CDKAL1: variants seen among roughly 807,000 people sequenced by gnomAD.
CDKAL1 encodes the protein CDKAL1 threonylcarbamoyladenosine tRNA methylthiotransferase.
Under a neutral mutation model 68.2 loss-of-function variants are expected in CDKAL1, and 32 were observed. That is an observed-to-expected ratio of 0.47 (90% confidence interval 0.35 to 0.63). CDKAL1 has a LOEUF of 0.63. Among genes scored for constraint, CDKAL1 ranks in the 30% least tolerant of loss-of-function variants. The pLI is 0.00. For synonymous variants in CDKAL1, 234 were observed against 244.3 expected, an observed-to-expected ratio of 0.96 and a Z score of 0.39; for missense variants, 606 against 696.7, an observed-to-expected ratio of 0.87 and a Z score of 1.47.
intron 5 of CDKAL1, among the ~76,000 whole-genome samples, chr6:20,723,275 C>T (rs764219854): frequency 1.1e-4 from 17 of 152,220 alleles, no homozygotes; most frequent in African/African-American, 1.7e-4. Context: ...TGCTAACACA[C>T]GCTGTCTGCG....
At chr6:20,821,172 T>C (rs1371340329) in intron 8 of CDKAL1, among the ~76,000 whole-genome samples, 2 of 152,130 alleles carry the variant, frequency 1.3e-5, no homozygotes, top group African/African-American at 4.8e-5. Context: ...CTTTGCATTT[T>C]ATTCATCATG....
intron 5 of CDKAL1, among the ~76,000 whole-genome samples, chr6:20,664,939 C>T (rs1426585900): frequency 2.6e-5 from 4 of 152,054 alleles, no homozygotes; most frequent in Non-Finnish European, 4.4e-5. Context: ...TATGTATTTT[C>T]GATCCCCTCA....
intron 15 of CDKAL1, among the ~76,000 whole-genome samples, chr6:21,218,167 T>C (rs1274027502): frequency 3.9e-5 from 6 of 152,246 alleles, no homozygotes; most frequent in Non-Finnish European, 7.3e-5. Flanking sequence ...CTGAAATTGA[T>C]TTGTAAACAT....
chr6:21,167,713 G>A (rs1267961771), intron 13 of CDKAL1, among the ~76,000 whole-genome samples: 1 of 152,120 alleles, frequency 6.6e-6, no homozygotes, highest in African/African-American at 2.4e-5. Context: ...TTAATGGATG[G>A]CCATGTGACA....
At chr6:20,558,490 CAGTA>C in intron 4 of CDKAL1, 2 of 456,308 alleles carry the variant, frequency 4.4e-6, no homozygotes, top group Admixed American at 4.7e-5. Context: ...GGGGTTGAAA[CAGTA>C]AGTGCATGAA....
intron 9 of CDKAL1, among the ~76,000 whole-genome samples, chr6:20,850,276 G>A (rs1480030480): frequency 6.6e-6 from 1 of 151,788 alleles, no homozygotes; most frequent in African/African-American, 2.4e-5. Context: ...TCCTTAAAGC[G>A]GCATTTTCTT....
chr6:20,978,298 C>T (rs1446102383), intron 10 of CDKAL1, among the ~76,000 whole-genome samples: 1 of 152,204 alleles, frequency 6.6e-6, no homozygotes, highest in Non-Finnish European at 1.5e-5. Context: ...CAGAGCTTCA[C>T]ATGTGGCGGG....
At chr6:20,981,497 G>A (rs1424239583) in intron 10 of CDKAL1, among the ~76,000 whole-genome samples, 1 of 152,170 alleles carries the variant, frequency 6.6e-6, no homozygotes, top group Non-Finnish European at 1.5e-5. Context: ...TCTGTGGAGA[G>A]ATGATCCTAT....
At chr6:20,955,272 G>A in intron 9 of CDKAL1, 147 bp from the exon 10 acceptor site, 1 of 726,094 alleles carries the variant, frequency 1.4e-6, no homozygotes, top group African/African-American at 1.8e-5. Context: ...CTGGCACCAT[G>A]GGATAAGCTG....
intron 4 of CDKAL1, among the ~76,000 whole-genome samples, chr6:20,580,951 G>A (rs539705866): frequency 3.3e-5 from 5 of 152,120 alleles, no homozygotes; most frequent in African/African-American, 7.2e-5. Context: ...CACCACGCCC[G>A]GCTAATTTTG....
intron 14 of CDKAL1, chr6:21,200,834 A>C: frequency 2.1e-5 from 5 of 239,130 alleles, no homozygotes; most frequent in East Asian, 9.0e-5. Flanking sequence ...TCCACTTTGT[A>C]GGGGATCCCA....
intron 12 of CDKAL1, 59 bp from the exon 13 acceptor site, chr6:21,108,342 C>A: frequency 1.9e-6 from 2 of 1,058,614 alleles, no homozygotes; most frequent in Non-Finnish European, 2.8e-6. Flanking sequence ...TATTTTTTAT[C>A]TGCTGTCAAC....
intron 4 of CDKAL1, among the ~76,000 whole-genome samples, chr6:20,616,721 T>C (rs1316795917): frequency 1.3e-5 from 2 of 152,012 alleles, no homozygotes; most frequent in African/African-American, 2.4e-5. Context: ...TGACTTTTTA[T>C]GGCCAGGAGC....
intron 10 of CDKAL1, among the ~76,000 whole-genome samples, chr6:20,965,326 G>T (rs1765251764): frequency 1.3e-5 from 2 of 148,700 alleles, no homozygotes; most frequent in South Asian, 4.4e-4. Flanking sequence ...GAAGAGGAGG[G>T]GAGGGGAGGG....
At chr6:20,605,044 GC>G (rs1312053552) in intron 4 of CDKAL1, among the ~76,000 whole-genome samples, 1 of 151,022 alleles carries the variant, frequency 6.6e-6, no homozygotes, top group Non-Finnish European at 1.5e-5. Flanking sequence ...ACACTACTGA[GC>G]AAATACTCAG....
At chr6:20,985,356 C>T (rs1315932464) in intron 10 of CDKAL1, among the ~76,000 whole-genome samples, 6 of 152,080 alleles carry the variant, frequency 3.9e-5, no homozygotes, top group Non-Finnish European at 7.4e-5. Flanking sequence ...TGCAGTGCTG[C>T]GATCTCGGCT....
intron 13 of CDKAL1, among the ~76,000 whole-genome samples, chr6:21,122,809 T>TG (rs1554184348): frequency 2.0e-5 from 3 of 148,932 alleles, no homozygotes; most frequent in African/African-American, 4.9e-5. Context: ...TTAGGTTTTT[T>TG]TTTTTTTTTT....
chr6:20,536,021 A>C (rs999172258), intron 2 of CDKAL1, among the ~76,000 whole-genome samples: 4 of 151,546 alleles, frequency 2.6e-5, no homozygotes, highest in Admixed American at 2.6e-4. Context: ...AGCCTTGACC[A>C]CCTGGTCTCA....
chr6:21,052,604 T>C (rs1479894089), intron 11 of CDKAL1, among the ~76,000 whole-genome samples: 2 of 150,014 alleles, frequency 1.3e-5, no homozygotes, highest in African/African-American at 4.9e-5. Context: ...AACTCCTGGC[T>C]TCAAGTGATC....
Sources: gnomAD v4.1 joint callset for allele counts (sites outside exome capture counted in the v4.1 genomes callset) on GRCh38, gnomAD v4.1.1 for gene constraint, MANE v1.5 for transcripts, NCBI Gene and HGNC (gene_info 2026-07-23, HGNC 2026-07-21) for gene names.